The following NEBL variants were observed in gnomAD, a reference collection of about 807,000 sequenced individuals.
The protein encoded by NEBL is LIM and SH3 protein 2.
In NEBL, 122 loss-of-function variants were observed where a neutral mutation model predicts 140.2. The ratio of observed to expected loss-of-function variants is 0.87; its 90% CI spans 0.75 to 1.01. The LOEUF is 1.01. Among genes scored for constraint, NEBL ranks in the 50% least tolerant of loss-of-function variants. The pLI is 0.00. For synonymous variants in NEBL, 436 were observed against 398.9 expected (o/e 1.09, Z -1.11); for missense variants, 1,365 against 1,231.3 (o/e 1.11, Z -1.62).
chr10:20,913,309 C>A (rs578108550), intron 4 of NEBL, among the ~76,000 whole-genome samples: 1 of 152,258 alleles, frequency 6.6e-6, no homozygotes, highest in East Asian at 1.9e-4. Context: ...AAAGGCACTG[C>A]CGATCCTTCA....
chr10:21,055,765 C>T (rs111963054), intron 2 of NEBL, among the ~76,000 whole-genome samples: 5 of 152,290 alleles, frequency 3.3e-5, no homozygotes, highest in African/African-American at 9.6e-5. Flanking sequence ...AAGCCTGTAG[C>T]GCAGATAATC....
intron 9 of NEBL, among the ~76,000 whole-genome samples, chr10:20,857,490 T>C (rs1843196779): frequency 6.6e-6 from 1 of 152,174 alleles, no homozygotes; most frequent in South Asian, 2.1e-4. Flanking sequence ...GAGAAAGTGA[T>C]TATTAAAATA....
chr10:20,927,463 A>T (rs1233287397), intron 4 of NEBL, among the ~76,000 whole-genome samples: 2 of 152,220 alleles, frequency 1.3e-5, no homozygotes, highest in Non-Finnish European at 2.9e-5. Flanking sequence ...GACACATAAA[A>T]GAGTTGACTG....
At chr10:21,242,565 TACCTGTAAAACAA>T (rs1842454594) in intron 3 of NEBL, among the ~76,000 whole-genome samples, 2 of 152,016 alleles carry the variant, frequency 1.3e-5, no homozygotes, top group Admixed American at 1.3e-4. Context: ...GACACACAAT[TACCTGTAAAACAA>T]ACCTGCACAT....
chr10:20,889,279 G>A (rs1846811497), intron 3 of NEBL, among the ~76,000 whole-genome samples: 1 of 152,158 alleles, frequency 6.6e-6, no homozygotes, highest in Non-Finnish European at 1.5e-5. Context: ...AGTTCTAAAT[G>A]CTCTCAGAAA....
intron 4 of NEBL, among the ~76,000 whole-genome samples, chr10:20,919,030 T>C (rs1833450174): frequency 6.6e-6 from 1 of 152,150 alleles, no homozygotes; most frequent in Non-Finnish European, 1.5e-5. Context: ...ATTTTTTCCT[T>C]TGGTATTACT....
intron 2 of NEBL, among the ~76,000 whole-genome samples, chr10:21,119,165 G>A (rs905168492): frequency 3.9e-5 from 6 of 151,978 alleles, no homozygotes; most frequent in East Asian, 1.9e-4. Context: ...TGCTTTATTC[G>A]ACAATAATAA....
chr10:20,814,725 T>C (rs1838551662), intron 22 of NEBL, among the ~76,000 whole-genome samples: 1 of 152,168 alleles, frequency 6.6e-6, no homozygotes. Flanking sequence ...AATTTCCCAA[T>C]TTTCTACCAT....
intron 3 of NEBL, among the ~76,000 whole-genome samples, chr10:21,188,291 G>A (rs114755025): frequency 0.026 from 4,013 of 152,192 alleles, 78 homozygotes; most frequent in Non-Finnish European, 0.027. Context: ...GGAAGTTGTC[G>A]TGTAACACTT....
intron 2 of NEBL, among the ~76,000 whole-genome samples, chr10:21,082,951 G>A (rs944532659): frequency 6.6e-6 from 1 of 151,854 alleles, no homozygotes; most frequent in Non-Finnish European, 1.5e-5. Context: ...TTTTAGAGAC[G>A]GGGTTTCACC....
chr10:21,049,033 C>T (rs1277642962), intron 2 of NEBL, among the ~76,000 whole-genome samples: 1 of 151,930 alleles, frequency 6.6e-6, no homozygotes, highest in Non-Finnish European at 1.5e-5. Flanking sequence ...AATAAAAAGA[C>T]TGTCTAGAAG....
chr10:20,838,010 G>C (rs1406215522), intron 13 of NEBL, among the ~76,000 whole-genome samples: 1 of 152,156 alleles, frequency 6.6e-6, no homozygotes, highest in Admixed American at 6.5e-5. Flanking sequence ...AGTTCTGATA[G>C]AAATGTATAA....
At position 21,085,382 on chromosome 10, in the gene NEBL, G is replaced by A. The variant is rs76833805; in HGVS notation, c.165-65181C>T. Among the ~76,000 whole-genome samples the A allele has an allele frequency of 8.3e-3, 1,261 of 152,276 alleles. 18 individuals carry two copies. Among genetic ancestry groups the A allele is most frequent in the East Asian group, 0.042 (215 of 5,178 alleles). On this transcript the variant is annotated intron_variant, in intron 2 of 6. Coordinates refer to the NEBL transcript ENST00000417816. ...CGTGCCTGGAATCCCAGAAGTTTGG[G>A]AAGCCGAGGCGGAAGGACTGCTTGA...
At chr10:21,227,019 G>A (rs1459394144) in intron 3 of NEBL, among the ~76,000 whole-genome samples, 2 of 152,020 alleles carry the variant, frequency 1.3e-5, no homozygotes, top group African/African-American at 4.8e-5. Flanking sequence ...GTTGGAATAA[G>A]GTAAGATTTC....
At chr10:20,908,015 A>G (rs1848171734) in intron 4 of NEBL, among the ~76,000 whole-genome samples, 2 of 152,174 alleles carry the variant, frequency 1.3e-5, no homozygotes, top group Non-Finnish European at 2.9e-5. Flanking sequence ...GATGGGAGGC[A>G]GCCATGAAGT....
chr10:21,080,202 C>T (rs533489238), intron 2 of NEBL, among the ~76,000 whole-genome samples: 16 of 152,144 alleles, frequency 1.1e-4, no homozygotes, highest in Non-Finnish European at 2.2e-4. Context: ...CTTAACAGCA[C>T]AACACATAGA....
intron 2 of NEBL, among the ~76,000 whole-genome samples, chr10:21,169,426 G>A (rs1016213534): frequency 4.6e-5 from 7 of 152,128 alleles, no homozygotes; most frequent in Middle Eastern, 3.4e-3. Flanking sequence ...AATTATGGCG[G>A]CCCTCTGGCC....
intron 2 of NEBL, among the ~76,000 whole-genome samples, chr10:21,022,107 C>T (rs568788199): frequency 6.6e-6 from 1 of 152,308 alleles, no homozygotes; most frequent in East Asian, 1.9e-4. Flanking sequence ...CCCATCTACT[C>T]ACTGCTCCCA....
At chr10:20,974,432 T>C (rs1279989321) in intron 3 of NEBL, among the ~76,000 whole-genome samples, 1 of 151,978 alleles carries the variant, frequency 6.6e-6, no homozygotes, top group Non-Finnish European at 1.5e-5. Flanking sequence ...TTTTGTATTT[T>C]GCGTAAAGAT....
Sources: allele counts gnomAD v4.1 joint callset (sites outside exome capture counted in the v4.1 genomes callset), GRCh38; gene constraint gnomAD v4.1.1; transcripts MANE v1.5; gene names NCBI Gene and HGNC (gene_info 2026-07-23, HGNC 2026-07-21).